CSNK1G1: variants seen among roughly 807,000 people sequenced by gnomAD.
CSNK1G1 encodes the protein casein kinase 1 gamma 1, also known as casein kinase I isoform gamma-1.
Under a neutral mutation model 59.6 loss-of-function variants are expected in CSNK1G1, and 22 were observed. The observed-to-expected ratio is 0.37, with a 90% CI of 0.26 to 0.53. The LOEUF is 0.53. CSNK1G1 is among the 20% of genes least tolerant of loss of function. The pLI is 0.89. For missense variants in CSNK1G1, 384 were observed against 519.5 expected (o/e 0.74, Z 2.54); for synonymous variants, 179 against 177.1 (o/e 1.01, Z -0.08).
chr15:64,229,309 T>C (rs868523078), intron 4 of CSNK1G1, among the ~76,000 whole-genome samples: 1 of 152,160 alleles, frequency 6.6e-6, no homozygotes, highest in Non-Finnish European at 1.5e-5. Context: ...GAAAGTACCA[T>C]TTCCCCAGTG....
intron 10 of CSNK1G1, chr15:64,181,563 T>C: frequency 1.1e-6 from 1 of 871,558 alleles, no homozygotes; most frequent in Non-Finnish European, 1.7e-6. Flanking sequence ...TGTATGAGAC[T>C]GTCTAGTATA....
chr15:64,258,397 T>C (rs7177364), intron 3 of CSNK1G1, among the ~76,000 whole-genome samples: 1 of 146,692 alleles, frequency 6.8e-6, no homozygotes, highest in Non-Finnish European at 1.5e-5. Context: ...AAAAAAAAAA[T>C]AAAGAAAGAA....
chr15:64,322,803 A>G (rs1896630960), intron 1 of CSNK1G1, among the ~76,000 whole-genome samples: 1 of 152,210 alleles, frequency 6.6e-6, no homozygotes, highest in Admixed American at 6.5e-5. Flanking sequence ...CCTGGGTGAC[A>G]GAGGAGATCC....
rs147337976 is a variant in CSNK1G1, at chr15:64,213,897, A to C, written c.672T>G (p.Leu224=). The part of the protein sequence containing the change: ...TARYMSINTH[L]GKEQSRRDDL... Reference sequence around the variant, plus strand: ...GAACAGAAAAAAACACACCTTTGCCAAGATGCGTGTTGATAGACATATATC... The same window carrying C: ...GAACAGAAAAAAACACACCTTTGCCCAGATGCGTGTTGATAGACATATATC... The change falls in exon 6 of 12, where the codon CTT becomes CTG. Residue 224 remains leucine, a synonymous_variant. Transcript: ENST00000303052. The C allele has an allele frequency of 2.7e-4, 429 of 1,610,686 alleles. No homozygotes were observed. Among genetic ancestry groups the C allele is most frequent in the Non-Finnish European group, 3.4e-4 (404 of 1,176,910 alleles).
At chr15:64,231,188 G>A (rs1037984647) in intron 4 of CSNK1G1, among the ~76,000 whole-genome samples, 7 of 150,004 alleles carry the variant, frequency 4.7e-5, no homozygotes, top group Admixed American at 2.0e-4. Flanking sequence ...TTAGTTGAGC[G>A]TGTGATGTAT....
intron 1 of CSNK1G1, among the ~76,000 whole-genome samples, chr15:64,301,916 T>C (rs1895365374): frequency 6.6e-6 from 1 of 151,462 alleles, no homozygotes; most frequent in African/African-American, 2.4e-5. Context: ...GAAAGAAAAC[T>C]TAAGAGAATT....
At chr15:64,286,803 C>T (rs1445284778) in intron 2 of CSNK1G1, among the ~76,000 whole-genome samples, 1 of 152,100 alleles carries the variant, frequency 6.6e-6, no homozygotes, top group African/African-American at 2.4e-5. Context: ...ATTTACTTTG[C>T]AATAGTATAA....
At chr15:64,251,372 C>G in intron 4 of CSNK1G1, 140 bp downstream of exon 4, 1 of 587,716 alleles carries the variant, frequency 1.7e-6, no homozygotes, top group Non-Finnish European at 3.0e-6. Flanking sequence ...TTGTGGTTGA[C>G]TATGTTTATT....
chr15:64,240,622 T>C (rs1172027446), intron 4 of CSNK1G1, among the ~76,000 whole-genome samples: 2 of 141,272 alleles, frequency 1.4e-5, no homozygotes, highest in East Asian at 2.2e-4. Flanking sequence ...GAGAATGAAA[T>C]GATATGTGCA....
chr15:64,190,693 C>T (rs1042511485), intron 10 of CSNK1G1, among the ~76,000 whole-genome samples: 2 of 152,076 alleles, frequency 1.3e-5, no homozygotes, highest in African/African-American at 2.4e-5. Context: ...GAATTACAGG[C>T]GTGAGCCACC....
At chr15:64,256,884 G>A (rs1326142069) in intron 3 of CSNK1G1, among the ~76,000 whole-genome samples, 2 of 152,044 alleles carry the variant, frequency 1.3e-5, no homozygotes, top group African/African-American at 4.8e-5. Context: ...CTGTGCATTT[G>A]CCAGAATATT....
At chr15:64,233,167 G>T (rs1194503109) in intron 4 of CSNK1G1, among the ~76,000 whole-genome samples, 1 of 152,150 alleles carries the variant, frequency 6.6e-6, no homozygotes, top group Admixed American at 6.5e-5. Context: ...AAGCAGTTCT[G>T]CACTTTGCAA....
chr15:64,282,944 G>C (rs999527803), intron 2 of CSNK1G1, among the ~76,000 whole-genome samples: 1 of 152,106 alleles, frequency 6.6e-6, no homozygotes, highest in Non-Finnish European at 1.5e-5. Context: ...TCCTTACATT[G>C]TTTCTGGAGA....
chr15:64,224,420 G>C (rs963604569), intron 4 of CSNK1G1, among the ~76,000 whole-genome samples: 1 of 152,052 alleles, frequency 6.6e-6, no homozygotes, highest in African/African-American at 2.4e-5. Flanking sequence ...TGTAAGTAAC[G>C]AAAGGGAAAA....
intron 1 of CSNK1G1, among the ~76,000 whole-genome samples, chr15:64,337,215 G>A (rs910498948): frequency 1.3e-5 from 2 of 152,246 alleles, no homozygotes; most frequent in African/African-American, 2.4e-5. Context: ...GCAACAGAGC[G>A]AGACTCCGTC....
At chr15:64,245,750 GA>G (rs997401892) in intron 4 of CSNK1G1, among the ~76,000 whole-genome samples, 218 of 138,120 alleles carry the variant, frequency 1.6e-3, no homozygotes, top group Middle Eastern at 3.5e-3. Flanking sequence ...CCACAAAAAG[GA>G]AAAAAAAAAA....
intron 11 of CSNK1G1, among the ~76,000 whole-genome samples, chr15:64,174,613 G>A (rs1370640211): frequency 1.3e-5 from 2 of 152,182 alleles, no homozygotes; most frequent in African/African-American, 4.8e-5. Context: ...CTGTTTAGAT[G>A]ACAAGAAGTT....
intron 2 of CSNK1G1, among the ~76,000 whole-genome samples, chr15:64,298,169 A>G (rs917917073): frequency 3.3e-5 from 5 of 152,190 alleles, no homozygotes; most frequent in Non-Finnish European, 7.3e-5. Flanking sequence ...AACTGAATGA[A>G]TTTTTCCCTT....
chr15:64,201,053 C>A (rs554431938), intron 10 of CSNK1G1, among the ~76,000 whole-genome samples: 2 of 152,160 alleles, frequency 1.3e-5, no homozygotes, highest in African/African-American at 4.8e-5. Context: ...AGGTGGATGA[C>A]CTGAAGTCAG....
Sources: gnomAD v4.1 joint callset for allele counts (sites outside exome capture counted in the v4.1 genomes callset) on GRCh38, gnomAD v4.1.1 for gene constraint, MANE v1.5 for transcripts, NCBI Gene and HGNC (gene_info 2026-07-23, HGNC 2026-07-21) for gene names.